FAM120C: variants seen among roughly 807,000 people sequenced by gnomAD.
FAM120C encodes constitutive coactivator of PPAR-gamma-like protein 2.
FAM120C carries 14 observed loss-of-function variants against 71.2 expected under a neutral mutation model. That is an observed-to-expected ratio of 0.20 (90% CI 0.13 to 0.31). FAM120C has a LOEUF of 0.31. Among genes scored for constraint, FAM120C ranks in the 10% least tolerant of loss-of-function variants. The pLI is 1.00. For missense variants in FAM120C, 500 were observed against 879.0 expected (o/e 0.57, Z 5.45); for synonymous variants, 354 against 353.2 (o/e 1.00, Z -0.03).
chrX:54,129,122 G>T (rs112756902), intron 9 of FAM120C, among the ~76,000 whole-genome samples: 1 of 105,939 alleles, frequency 9.4e-6, no homozygotes, highest in Non-Finnish European at 2.0e-5. Context: ...CCTCCCTCCC[G>T]GACGGGGCGG....
At chrX:54,156,470 G>A (rs1406173367) in intron 3 of FAM120C, among the ~76,000 whole-genome samples, 2 of 107,619 alleles carry the variant, frequency 1.9e-5, no homozygotes, top group Non-Finnish European at 3.8e-5. Context: ...CTACAGGCAC[G>A]TGCCACCACA....
chrX:54,110,517 A>G (rs2066931194), intron 10 of FAM120C, among the ~76,000 whole-genome samples: 1 of 111,289 alleles, frequency 9.0e-6, no homozygotes, highest in Admixed American at 9.7e-5. Context: ...TAAAGCAAAT[A>G]TAAATATTAA....
intron 7 of FAM120C, among the ~76,000 whole-genome samples, chrX:54,134,351 C>G (rs993574885): frequency 3.6e-5 from 4 of 112,121 alleles, no homozygotes; most frequent in African/African-American, 1.3e-4. Context: ...AACCTCAAAG[C>G]AGCTCTGTTT....
intron 10 of FAM120C, among the ~76,000 whole-genome samples, chrX:54,104,067 C>T (rs2066894595): frequency 8.9e-6 from 1 of 111,912 alleles, no homozygotes; most frequent in South Asian, 3.7e-4. Context: ...ATTTCATGTT[C>T]CATCTCTGGA....
At position 54,105,177 on chromosome X, in the gene FAM120C, G is replaced by A. The variant is rs1006209266; in HGVS notation, c.2312+11368C>T. 9.8e-5 allele frequency among the ~76,000 whole-genome samples: 11 copies of A among 111,690 alleles called. No homozygotes were observed. The South Asian group carries it at 2.6e-3, about 27-fold the overall frequency. ...ATCGTCAAGAAAATACTGGCAAACC[G>A]AATCCAGCAGCACATCAAAAACCTT... On this transcript the variant is annotated intron_variant, in intron 10 of 15. Coordinates refer to ENST00000375180, the MANE Select transcript of FAM120C (RefSeq NM_017848.6).
At chrX:54,098,943 A>C (rs1393981398) in intron 10 of FAM120C, among the ~76,000 whole-genome samples, 1 of 110,318 alleles carries the variant, frequency 9.1e-6, no homozygotes, top group Non-Finnish European at 1.9e-5. Context: ...TTCTTTGGAG[A>C]AATGTCTATT....
chrX:54,157,004 G>A (rs149842848), intron 3 of FAM120C, among the ~76,000 whole-genome samples: 1,870 of 108,844 alleles, frequency 0.017, 38 homozygotes, highest in African/African-American at 0.061. Flanking sequence ...GGCTGAGATC[G>A]TGCCACTGCA....
In FAM120C at chrX:54,129,429, G is replaced by A. The variant is rs183514207; in HGVS notation, c.2062+3263C>T. Among the ~76,000 whole-genome samples the A allele has an allele frequency of 2.8e-3, 303 of 108,035 alleles. 1 individual carries two copies. Among genetic ancestry groups the A allele is most frequent in the African/African-American group, 9.8e-3 (289 of 29,586 alleles). The allele number at this position is 108,035 out of a possible 115,157, so 93.8% of individuals were successfully genotyped here. ...CCCACATCTCAGATGATGGGCGGCC[G>A]GGCAGAGAAGCTCCTCACTTCCTAG... On this transcript the variant is annotated intron_variant, in intron 9 of 15. Transcript: ENST00000375180.
chrX:54,132,885 G>A lies in FAM120C; in HGVS notation c.1891-22C>T, dbSNP rs1557129657. 9.5e-6 allele frequency: 11 copies of A among 1,154,879 alleles called. No homozygotes were observed. In the Admixed American group the frequency reaches 1.9e-4, roughly 20 times the overall value. On this transcript the variant is annotated intron_variant, in intron 8 of 15. Coordinates refer to ENST00000375180, the MANE Select transcript of FAM120C (RefSeq NM_017848.6). ...CACCCTAACAAGAGAACATTCCAGG[G>A]AAAAGGAAAAAATGAGTTACCTCAA...
At chrX:54,090,394 A>G (rs1057324050) in intron 11 of FAM120C, among the ~76,000 whole-genome samples, 10 of 109,778 alleles carry the variant, frequency 9.1e-5, no homozygotes, top group African/African-American at 3.3e-4. Context: ...CATCACGCCC[A>G]GCTAATTTTT....
chrX:54,157,451 C>T (rs782348964), intron 3 of FAM120C, among the ~76,000 whole-genome samples: 23 of 111,292 alleles, frequency 2.1e-4, no homozygotes, highest in Middle Eastern at 9.2e-3. Flanking sequence ...GACGAGGTTT[C>T]ACCATGTTGG....
Position 54,174,246 on chromosome X carries a change from A to G in FAM120C, c.699+8254T>C, listed in dbSNP as rs192744200. The G allele has an allele frequency of 5.4e-4, 268 of 497,314 alleles. 1 individual carries two copies. In the East Asian group the frequency reaches 8.6e-3, roughly 16 times the overall value. 41.0% of individuals were successfully genotyped at this position (497,314 alleles called of 1,213,427 possible). ...TTTTTATAACCTAATCTTGGAAGTG[A>G]CATCCCATCACTTTTGTTGTAGTCT... On this transcript the variant is annotated intron_variant, in intron 1 of 15. Transcript: ENST00000375180.
intron 10 of FAM120C, among the ~76,000 whole-genome samples, chrX:54,094,083 C>CTTTTTT (rs35721972): frequency 1.8e-4 from 11 of 61,459 alleles, no homozygotes; most frequent in East Asian, 6.7e-4. Context: ...TCCACGACTC[C>CTTTTTT]TTTTTTTTTT....
intron 1 of FAM120C, among the ~76,000 whole-genome samples, chrX:54,170,073 T>C (rs1187740472): frequency 1.8e-5 from 2 of 112,066 alleles, no homozygotes; most frequent in Non-Finnish European, 3.8e-5. Context: ...AGTAGAATAC[T>C]GATCCAGTGT....
rs150739089 is a variant in FAM120C at position 54,154,713 on chromosome X, A to G, written c.1029+2976T>C. ...AAACATGTTTAGGGAGAAGATCAGGAATTTCCACTTGAACATATAACTTTG... is the reference window on the plus strand; with the variant it reads ...AAACATGTTTAGGGAGAAGATCAGGGATTTCCACTTGAACATATAACTTTG... On this transcript the variant is annotated intron_variant, in intron 3 of 15. Coordinates refer to ENST00000375180, the MANE Select transcript of FAM120C (RefSeq NM_017848.6). Among the ~76,000 whole-genome samples the G allele has an allele frequency of 3.3e-3, 362 of 111,357 alleles. 4 individuals are homozygous for G. Among genetic ancestry groups the G allele is most frequent in the African/African-American group, 0.011 (342 of 30,702 alleles).
chrX:54,131,983 A>C (rs1168762006), intron 9 of FAM120C, among the ~76,000 whole-genome samples: 1 of 101,771 alleles, frequency 9.8e-6, no homozygotes, highest in Non-Finnish European at 2.0e-5. Context: ...CGATCTCCTG[A>C]CCTCGTCATC....
Position 54,163,487 on chromosome X carries a change from A to T in FAM120C, c.700-3871T>A, listed in dbSNP as rs141591946. ...GAATAGGCAAATCCAAAGAGATGGAAAAATAAAATAGTAGTTGCCAGGGAT... is the reference window on the plus strand; with the variant it reads ...GAATAGGCAAATCCAAAGAGATGGATAAATAAAATAGTAGTTGCCAGGGAT... On this transcript the variant is annotated intron_variant, in intron 1 of 15. Coordinates refer to ENST00000375180, the MANE Select transcript of FAM120C (RefSeq NM_017848.6). Among the ~76,000 whole-genome samples the T allele has an allele frequency of 1.0e-3, 116 of 111,955 alleles. No individual in the cohort carries two copies. In the East Asian group the frequency reaches 0.029, roughly 28 times the overall value.
At chrX:54,078,306 C>A (rs782657827) in intron 15 of FAM120C, among the ~76,000 whole-genome samples, 2 of 110,636 alleles carry the variant, frequency 1.8e-5, no homozygotes, top group Non-Finnish European at 3.8e-5. Flanking sequence ...ATGACCAGAC[C>A]CTGAATCGCG....
intron 10 of FAM120C, among the ~76,000 whole-genome samples, chrX:54,099,735 A>G (rs1283627028): frequency 8.9e-6 from 1 of 112,224 alleles, no homozygotes; most frequent in Admixed American, 9.5e-5. Flanking sequence ...TTTTTCCCCC[A>G]TTGAATTATC....
Sources: gnomAD v4.1 joint callset for allele counts (sites outside exome capture counted in the v4.1 genomes callset) on GRCh38, gnomAD v4.1.1 for gene constraint, MANE v1.5 for transcripts, NCBI Gene and HGNC (gene_info 2026-07-23, HGNC 2026-07-21) for gene names.